The following NGEF variants were observed in gnomAD, a reference collection of about 807,000 sequenced individuals.
NGEF encodes the protein ephexin-1.
In NGEF, 31 loss-of-function variants were observed where a neutral mutation model predicts 80.9. The observed-to-expected ratio is 0.38, with a 90% confidence interval of 0.29 to 0.52. The LOEUF (loss-of-function observed/expected upper bound fraction) is 0.52. NGEF is among the 20% of genes least tolerant of loss of function. The pLI is 0.84. For missense variants in NGEF, 709 were observed against 926.2 expected (o/e 0.77, Z 3.04); for synonymous variants, 371 against 370.2 (o/e 1.00, Z -0.03).
intron 5 of NGEF, among the ~76,000 whole-genome samples, chr2:232,895,523 TC>T: frequency 9.4e-6 from 1 of 105,892 alleles, no homozygotes; most frequent in East Asian, 2.6e-4. Context: ...TGAGACTCTG[TC>T]TTAAAAAAAA....
rs558126400 is a variant in NGEF, at chr2:232,978,648, T to G, written c.-74-3684A>C. ...GAACAGCTCCCTCAACAGGGAAAAGTCCCCTTGTGCCTGCGGAGGTCAGTA... is the reference window on the plus strand; with the variant it reads ...GAACAGCTCCCTCAACAGGGAAAAGGCCCCTTGTGCCTGCGGAGGTCAGTA... On this transcript the variant is annotated intron_variant, in intron 1 of 14. Coordinates refer to ENST00000264051, the MANE Select transcript of NGEF (RefSeq NM_019850.3). 1.5e-4 allele frequency among the ~76,000 whole-genome samples: 23 copies of G among 151,438 alleles called. No homozygotes were observed. The East Asian group carries it at 4.5e-3, about 30-fold the overall frequency.
intron 14 of NGEF, among the ~76,000 whole-genome samples, 180 bp downstream of exon 14, chr2:232,880,966 A>T (rs925125892): frequency 6.6e-6 from 1 of 152,184 alleles, no homozygotes; most frequent in African/African-American, 2.4e-5. Flanking sequence ...CCTCCTTTAC[A>T]CTGAAGAGAG....
Position 232,884,055 on chromosome 2 carries a change from C to T in NGEF, c.1527G>A (p.Arg509=), listed in dbSNP as rs751405858. ...MSGPKTSRTL[R]TKKLFHEIYL... ...AAATTTCGTGGAAGAGCTTCTTGGT[C>T]CTCAGGGTCCGGGAGGTCTTGGGGC... Residue 509 remains arginine (R), a synonymous_variant, in exon 11 of 15, where the codon AGG becomes AGA. Coordinates refer to ENST00000264051, the MANE Select transcript of NGEF (RefSeq NM_019850.3). 40 of 1,612,826 alleles carry T rather than the reference C, an allele frequency of 2.5e-5. No homozygotes were observed. In the East Asian group the frequency reaches 8.7e-4, roughly 35 times the overall value.
At chr2:232,949,870 G>A (rs979791399) in intron 3 of NGEF, among the ~76,000 whole-genome samples, 1 of 151,136 alleles carries the variant, frequency 6.6e-6, no homozygotes, top group African/African-American at 2.4e-5. Context: ...GGAGTGCAGT[G>A]GTGCCATCTC....
chr2:233,001,177 C>G (rs1171172636), intron 1 of NGEF, among the ~76,000 whole-genome samples: 1 of 152,158 alleles, frequency 6.6e-6, no homozygotes, highest in African/African-American at 2.4e-5. Flanking sequence ...ACCAGATTCC[C>G]CCTTCCGGAG....
chr2:232,926,898 C>G (rs1878289), intron 4 of NGEF, 146 bp downstream of exon 4: 434,452 of 1,034,600 alleles, frequency 0.42, 92,973 homozygotes, highest in Admixed American at 0.45. Context: ...CCATTTAGAG[C>G]CAAACATGTC....
At chr2:232,946,448 A>G (rs1693560262) in intron 3 of NGEF, among the ~76,000 whole-genome samples, 1 of 152,218 alleles carries the variant, frequency 6.6e-6, no homozygotes, top group Non-Finnish European at 1.5e-5. Flanking sequence ...AAAATTTTCA[A>G]AAAAAGAAAA....
intron 13 of NGEF, among the ~76,000 whole-genome samples, chr2:232,881,702 C>T (rs978886569): frequency 6.6e-6 from 1 of 152,118 alleles, no homozygotes; most frequent in Non-Finnish European, 1.5e-5. Context: ...CATGCCTCAG[C>T]TTCCAAGTAG....
intron 14 of NGEF, 83 bp from the exon 15 acceptor site, chr2:232,879,762 C>G: frequency 7.3e-7 from 1 of 1,373,876 alleles, no homozygotes; most frequent in Non-Finnish European, 1.0e-6. Context: ...CCAGGGCCCC[C>G]ATCTGTGGCG....
intron 3 of NGEF, among the ~76,000 whole-genome samples, chr2:232,952,631 G>A (rs976678153): frequency 7.9e-5 from 12 of 151,994 alleles, no homozygotes; most frequent in African/African-American, 2.9e-4. Flanking sequence ...CAATATTTTG[G>A]GGGTATCTAT....
chr2:232,884,406 T>C (rs1430368714), intron 10 of NGEF, among the ~76,000 whole-genome samples: 1 of 152,070 alleles, frequency 6.6e-6, no homozygotes, highest in African/African-American at 2.4e-5. Context: ...GTGTATGGAC[T>C]GTGTTGTGTA....
At chr2:232,887,863 G>A (rs1016080860) in intron 9 of NGEF, among the ~76,000 whole-genome samples, 170 bp downstream of exon 9, 1 of 152,154 alleles carries the variant, frequency 6.6e-6, no homozygotes, top group Non-Finnish European at 1.5e-5. Flanking sequence ...AGCCATGCCT[G>A]GTGTATTTTT....
chr2:232,887,639 G>A (rs1691734079), intron 9 of NGEF, among the ~76,000 whole-genome samples: 1 of 152,176 alleles, frequency 6.6e-6, no homozygotes, highest in Admixed American at 6.5e-5. Context: ...ACAAGCCTGG[G>A]GTCTGTGTGG....
intron 3 of NGEF, among the ~76,000 whole-genome samples, chr2:232,965,719 G>A (rs1452250151): frequency 6.6e-6 from 1 of 152,172 alleles, no homozygotes; most frequent in Non-Finnish European, 1.5e-5. Context: ...CACAGCAGGT[G>A]TATCATGACT....
At chr2:232,919,548 C>T (rs147265919) in intron 5 of NGEF, among the ~76,000 whole-genome samples, 60 of 152,214 alleles carry the variant, frequency 3.9e-4, no homozygotes, top group African/African-American at 1.4e-3. Flanking sequence ...TGACCATATG[C>T]TTGTTTCTCT....
At chr2:232,917,076 A>T (rs1692819526) in intron 5 of NGEF, among the ~76,000 whole-genome samples, 1 of 152,224 alleles carries the variant, frequency 6.6e-6, no homozygotes, top group African/African-American at 2.4e-5. Flanking sequence ...CCTGTGATGC[A>T]GTTGTATCAT....
chr2:232,899,650 A>C (rs1692214926), intron 5 of NGEF, among the ~76,000 whole-genome samples: 1 of 89,504 alleles, frequency 1.1e-5, no homozygotes. Flanking sequence ...ATACACGTTC[A>C]CTCACATTCA....
chr2:232,953,686 G>A (rs912799988), intron 3 of NGEF, among the ~76,000 whole-genome samples: 2 of 152,060 alleles, frequency 1.3e-5, no homozygotes, highest in East Asian at 1.9e-4. Context: ...GGATGTATGC[G>A]GTTTCTTCTA....
intron 3 of NGEF, among the ~76,000 whole-genome samples, chr2:232,934,401 T>C (rs1408758347): frequency 6.6e-6 from 1 of 152,132 alleles, no homozygotes. Flanking sequence ...GATTCTTTTT[T>C]TTTTTAAAGA....
Sources: gnomAD v4.1 joint callset for allele counts (sites outside exome capture counted in the v4.1 genomes callset) on GRCh38, gnomAD v4.1.1 for gene constraint, MANE v1.5 for transcripts, NCBI Gene and HGNC (gene_info 2026-07-23, HGNC 2026-07-21) for gene names.